UNC79: variants seen among roughly 807,000 people sequenced by gnomAD.
UNC79 encodes the protein protein unc-79 homolog.
A neutral mutation model predicts 283.1 loss-of-function variants in UNC79; 37 were observed. The observed-to-expected ratio is 0.13, with a 90% confidence interval of 0.10 to 0.17. The LOEUF is 0.17. Among genes scored for constraint, UNC79 ranks in the 10% least tolerant of loss-of-function variants. The pLI, the probability that UNC79 is intolerant of heterozygous loss-of-function variation, is 1.00. For missense variants in UNC79, 2,272 were observed against 3,211.1 expected, an observed-to-expected ratio of 0.71 and a Z score of 7.07; for synonymous variants, 1,107 against 1,200.2, an observed-to-expected ratio of 0.92 and a Z score of 1.61.
intron 1 of UNC79, among the ~76,000 whole-genome samples, chr14:93,337,896 G>A (rs555503948): frequency 9.9e-5 from 15 of 152,152 alleles, no homozygotes; most frequent in African/African-American, 3.1e-4. Context: ...AGTAGAAGCC[G>A]CTTGTGGTAT....
At chr14:93,484,656 C>T (rs1418278821) in intron 4 of UNC79, among the ~76,000 whole-genome samples, 1 of 152,112 alleles carries the variant, frequency 6.6e-6, no homozygotes, top group Non-Finnish European at 1.5e-5. Context: ...TTATCTTCTC[C>T]CTTCTATTGT....
rs1208044802 is a variant in UNC79 at position 93,617,265 on chromosome 14, G to T, written c.4185G>T (p.Arg1395=). The change falls in exon 28 of 49, where the codon CGG becomes CGT. Residue 1395 remains arginine (R), a synonymous_variant. Transcript: ENST00000555664. This position sits in a 1 kb window ranked among gnomAD's most constrained non-coding sequence, Gnocchi z 4.5. ...TCTGGTCCCTAAAGCCTCACATCCG[G>T]CAGATGTGGTTGAAGGCCTTGCTTG... 1 of 1,614,126 alleles carries T rather than the reference G, an allele frequency of 6.2e-7. No individual in the cohort carries two copies. Among genetic ancestry groups the T allele is most frequent in the Non-Finnish European group, 8.5e-7 (1 of 1,180,014 alleles).
chr14:93,584,792 G>A (rs2064097440), intron 20 of UNC79, among the ~76,000 whole-genome samples: 1 of 151,762 alleles, frequency 6.6e-6, no homozygotes, highest in Admixed American at 6.6e-5. Context: ...CACCTCCCAG[G>A]TTCAAGCAAT....
intron 12 of UNC79, among the ~76,000 whole-genome samples, chr14:93,539,907 C>G (rs191592150): frequency 1.6e-4 from 24 of 152,288 alleles, no homozygotes; most frequent in Non-Finnish European, 3.5e-4. Flanking sequence ...TTACTTTTCT[C>G]TATCGTTACA....
chr14:93,506,220 T>C (rs879570904), intron 7 of UNC79, among the ~76,000 whole-genome samples: 1 of 150,952 alleles, frequency 6.6e-6, no homozygotes, highest in Non-Finnish European at 1.5e-5. Flanking sequence ...TCTCATTGTA[T>C]ACAATTTTTT....
rs140201851 is a variant in UNC79, at chr14:93,493,874, C to CAT, written c.713-2510_713-2509dup. 2.7e-3 allele frequency among the ~76,000 whole-genome samples: 210 copies of CAT among 76,668 alleles called. 1 individual carries two copies. Among genetic ancestry groups the CAT allele is most frequent in the East Asian group, 7.1e-3 (16 of 2,260 alleles). 50.3% of individuals were successfully genotyped at this position (76,668 alleles called of 152,430 possible). On this transcript the variant is annotated intron_variant, in intron 5 of 48. Transcript: ENST00000555664. Reference sequence around the variant, plus strand: ...GGAAGAGAGAGAAGGGGAAGTGCCACATATATATATATATATATATATATA... The same window carrying CAT: ...GGAAGAGAGAGAAGGGGAAGTGCCACATATATATATATATATATATATATATA...
intron 1 of UNC79, among the ~76,000 whole-genome samples, chr14:93,392,715 G>A (rs1234454928): frequency 1.3e-5 from 2 of 152,106 alleles, no homozygotes; most frequent in African/African-American, 2.4e-5. Context: ...CTCTGACACA[G>A]GACTGTTAAT....
At chr14:93,371,698 G>C (rs557624685) in intron 1 of UNC79, among the ~76,000 whole-genome samples, 4 of 151,062 alleles carry the variant, frequency 2.6e-5, no homozygotes, top group Non-Finnish European at 5.9e-5. Context: ...AAAATTAGCC[G>C]GGCGTGGTGG....
chr14:93,369,546 G>A lies in UNC79; in HGVS notation c.-351+36023G>A, dbSNP rs2054401656. Among the ~76,000 whole-genome samples, 3 of 152,212 alleles carry A rather than the reference G, an allele frequency of 2.0e-5. No homozygotes were observed. The South Asian group carries it at 6.2e-4, about 32-fold the overall frequency. The stretch of plus-strand genomic sequence containing the variant: ...AAGTCATGAACAGACACTGCCGTGG[G>A]AACAAGTGCCCAGGTAGGAAAACCT... On this transcript the variant is annotated intron_variant, in intron 1 of 49. Coordinates refer to the UNC79 transcript ENST00000256339.
intron 7 of UNC79, among the ~76,000 whole-genome samples, chr14:93,505,597 T>TA (rs1389916434): frequency 1.3e-5 from 2 of 152,116 alleles, no homozygotes; most frequent in African/African-American, 2.4e-5. Flanking sequence ...ACTCAATACT[T>TA]ACGATTTTTA....
rs1169203807 is a variant in UNC79 at position 93,388,336 on chromosome 14, G to T, written c.-351+54813G>T. ...CAATATATTCAGTCATTATTTTGATGGACATGCATACCCTTCCTTTCTTCT... is the reference window on the plus strand; with the variant it reads ...CAATATATTCAGTCATTATTTTGATTGACATGCATACCCTTCCTTTCTTCT... On this transcript the variant is annotated intron_variant, in intron 1 of 49. Coordinates refer to the UNC79 transcript ENST00000256339. 2.6e-5 allele frequency among the ~76,000 whole-genome samples: 4 copies of T among 152,052 alleles called. No individual in the cohort carries two copies. In the East Asian group the frequency reaches 5.8e-4, roughly 22 times the overall value.
intron 22 of UNC79, among the ~76,000 whole-genome samples, chr14:93,590,236 CG>C (rs1419434382): frequency 3.9e-5 from 6 of 152,076 alleles, no homozygotes; most frequent in African/African-American, 1.4e-4. Flanking sequence ...CATGAATTTT[CG>C]GGGAGCACTC....
chr14:93,630,942 C>T (rs1400704489), intron 31 of UNC79, 34 bp downstream of exon 33: 2 of 1,567,908 alleles, frequency 1.3e-6, no homozygotes, highest in Non-Finnish European at 1.8e-6. Context: ...TTCATCTATG[C>T]ATTTATTTTG....
chr14:93,426,854 A>G (rs1163894610), upstream of UNC79, among the ~76,000 whole-genome samples: 3 of 151,272 alleles, frequency 2.0e-5, no homozygotes, highest in South Asian at 4.2e-4. Flanking sequence ...TTCATTTTCT[A>G]TTGTCTTTTT....
intron 10 of UNC79, among the ~76,000 whole-genome samples, chr14:93,530,284 C>G (rs2060744843): frequency 6.6e-6 from 1 of 152,100 alleles, no homozygotes; most frequent in South Asian, 2.1e-4. Flanking sequence ...ATAAAAATAT[C>G]TGTAGGTCAG....
Position 93,451,771 on chromosome 14 carries a change from C to G in UNC79, c.23-15900C>G, listed in dbSNP as rs989004625. ...TGCCGTTTCTGTGCCTTTTGAGAAGCCTGAAATGCACACTAGTTGGTTCTT... is the reference window on the plus strand; with the variant it reads ...TGCCGTTTCTGTGCCTTTTGAGAAGGCTGAAATGCACACTAGTTGGTTCTT... On this transcript the variant is annotated intron_variant, in intron 1 of 48. Coordinates refer to ENST00000555664, the Ensembl canonical transcript of UNC79. 4.6e-5 allele frequency among the ~76,000 whole-genome samples: 7 copies of G among 152,150 alleles called. 1 individual carries two copies. The highest frequency in any genetic ancestry group is 3.3e-4 in the Admixed American group (5 of 15,264).
chr14:93,532,122 A>G (rs928861813), intron 10 of UNC79, among the ~76,000 whole-genome samples: 2 of 152,130 alleles, frequency 1.3e-5, no homozygotes, highest in African/African-American at 4.8e-5. Flanking sequence ...TCCAGAGGTC[A>G]TATTACTAAG....
At chr14:93,371,629 A>G (rs1220429877) in intron 1 of UNC79, among the ~76,000 whole-genome samples, 1 of 152,082 alleles carries the variant, frequency 6.6e-6, no homozygotes, top group Non-Finnish European at 1.5e-5. Flanking sequence ...TCACGAGGTC[A>G]GGAGATCGAG....
chr14:93,466,451 C>G (rs1432580106), intron 1 of UNC79, among the ~76,000 whole-genome samples: 1 of 152,188 alleles, frequency 6.6e-6, no homozygotes, highest in Non-Finnish European at 1.5e-5. Context: ...AATCTAAGTA[C>G]TAGTCTGGCT....
Sources: gnomAD v4.1 joint callset for allele counts (sites outside exome capture counted in the v4.1 genomes callset) on GRCh38, gnomAD v4.1.1 for gene constraint, Gnocchi (gnomAD v3.1) non-coding constraint, MANE v1.5 for transcripts, NCBI Gene and HGNC (gene_info 2026-07-23, HGNC 2026-07-21) for gene names.